Variants in PCDH11Y observed in about 807,000 individuals in gnomAD.
PCDH11Y encodes the protein protocadherin-11 Y-linked.
For synonymous variants in PCDH11Y, 9 were observed against 83.6 expected (o/e 0.11, Z 4.87); for missense variants, 12 against 224.8 (o/e 0.05, Z 6.05).
intron 2 of PCDH11Y, among the ~76,000 whole-genome samples, chrY:5,140,591 G>C: frequency 3.1e-5 from 1 of 32,300 alleles, no homozygotes. Context: ...GATGATATGA[G>C]GAGAAGCACA....
At chrY:5,716,231 A>G (rs2556788) in intron 4 of PCDH11Y, among the ~76,000 whole-genome samples, 49 of 32,989 alleles carry the variant, frequency 1.5e-3, no homozygotes, top group African/African-American at 5.5e-3. Flanking sequence ...GGAATTCCTA[A>G]CTAGAGCAAT....
chrY:5,704,676 G>A (rs2124712437), intron 4 of PCDH11Y, among the ~76,000 whole-genome samples: 1 of 31,584 alleles, frequency 3.2e-5, no homozygotes, highest in Admixed American at 2.9e-4. Context: ...TGATCCACCC[G>A]CCTCGGCCTC....
intron 2 of PCDH11Y, among the ~76,000 whole-genome samples, chrY:5,242,920 T>C: frequency 5.9e-5 from 2 of 33,875 alleles, no homozygotes; most frequent in Admixed American, 5.4e-4. Context: ...TAGATATAAT[T>C]AATGTATGTT....
In PCDH11Y at chrY:5,018,005, TC is replaced by T. The variant is rs2052563321; in HGVS notation, c.-133-13900del. Among the ~76,000 whole-genome samples, 34 of 33,572 alleles carry T rather than the reference TC, an allele frequency of 1.0e-3. No homozygotes were observed. In the East Asian group the frequency reaches 0.025, roughly 25 times the overall value. 90.1% of individuals were successfully genotyped at this position (33,572 alleles called of 37,273 possible). Reference sequence around the variant, plus strand: ...TACTATGCACATAAACTTTTCAATTTCTTTTTAGATAAATGTTTTATATTAT... The same window carrying T: ...TACTATGCACATAAACTTTTCAATTTTTTTTAGATAAATGTTTTATATTAT... On this transcript the variant is annotated intron_variant, in intron 1 of 5. Coordinates refer to the PCDH11Y transcript ENST00000333703.
At chrY:5,231,387 A>G in intron 2 of PCDH11Y, among the ~76,000 whole-genome samples, 1 of 33,638 alleles carries the variant, frequency 3.0e-5, no homozygotes. Flanking sequence ...TGGTTCTTGC[A>G]GACGCATAGT....
chrY:5,082,737 A>C, intron 1 of PCDH11Y, among the ~76,000 whole-genome samples: 1 of 32,615 alleles, frequency 3.1e-5, no homozygotes, highest in Non-Finnish European at 7.5e-5. Flanking sequence ...TATCCCGTTT[A>C]TCATTTCAGA....
chrY:5,206,629 A>T, intron 2 of PCDH11Y, among the ~76,000 whole-genome samples: 1 of 32,596 alleles, frequency 3.1e-5, no homozygotes, highest in Non-Finnish European at 7.5e-5. Flanking sequence ...AAAAAACACA[A>T]CACAGGAAGG....
At chrY:5,528,447 G>GTT (rs2053390057) in intron 3 of PCDH11Y, among the ~76,000 whole-genome samples, 1 of 33,048 alleles carries the variant, frequency 3.0e-5, no homozygotes, top group Non-Finnish European at 7.5e-5. Context: ...CCTAGAAGAG[G>GTT]TGGTTAACCA....
intron 2 of PCDH11Y, among the ~76,000 whole-genome samples, chrY:5,229,472 C>T (rs2052965530): frequency 3.3e-5 from 1 of 30,256 alleles, no homozygotes; most frequent in Non-Finnish European, 7.9e-5. Flanking sequence ...CCCGCCACCG[C>T]GCCCGGCTAA....
intron 3 of PCDH11Y, among the ~76,000 whole-genome samples, chrY:5,508,708 A>C: frequency 3.0e-5 from 1 of 33,215 alleles, no homozygotes. Flanking sequence ...AAACCTTTTC[A>C]GCACAGACCA....
At chrY:5,003,095 C>G (rs2052533925) in intron 1 of PCDH11Y, among the ~76,000 whole-genome samples, 29 of 34,495 alleles carry the variant, frequency 8.4e-4, no homozygotes, top group African/African-American at 3.2e-3. Flanking sequence ...GCAGCCCCCC[C>G]CCTTCCAGTC....
chrY:5,471,662 G>T, intron 2 of PCDH11Y, among the ~76,000 whole-genome samples: 1 of 32,212 alleles, frequency 3.1e-5, no homozygotes, highest in East Asian at 8.2e-4. Context: ...AATTCCTATT[G>T]TTTCCTTATT....
chrY:5,592,426 G>A, intron 4 of PCDH11Y, among the ~76,000 whole-genome samples: 2 of 29,822 alleles, frequency 6.7e-5, no homozygotes, highest in Non-Finnish European at 1.6e-4. Flanking sequence ...CATGTGAGAT[G>A]TGTCTCTCAA....
At chrY:5,089,869 G>A in intron 1 of PCDH11Y, among the ~76,000 whole-genome samples, 1 of 33,154 alleles carries the variant, frequency 3.0e-5, no homozygotes. Flanking sequence ...GATGATAGTA[G>A]ATCCAAAAGA....
At chrY:5,421,049 TACACAC>T (rs1310744427) in intron 2 of PCDH11Y, among the ~76,000 whole-genome samples, 3 of 16,950 alleles carry the variant, frequency 1.8e-4, no homozygotes, top group Admixed American at 1.1e-3. Flanking sequence ...CTACTAAAAA[TACACAC>T]ACACACACAC....
At chrY:5,543,628 G>A (rs2053410136) in intron 3 of PCDH11Y, among the ~76,000 whole-genome samples, 12 of 33,995 alleles carry the variant, frequency 3.5e-4, no homozygotes, top group African/African-American at 1.4e-3. Flanking sequence ...CTTGGTTTCA[G>A]GTAATTTGTT....
At chrY:5,148,255 A>AATTC (rs2052860205) in intron 2 of PCDH11Y, among the ~76,000 whole-genome samples, 1 of 32,881 alleles carries the variant, frequency 3.0e-5, no homozygotes, top group South Asian at 6.7e-4. Flanking sequence ...GAAATTGAGT[A>AATTC]CCTTTTGTTT....
At chrY:5,534,202 C>G (rs2124692013) in intron 3 of PCDH11Y, among the ~76,000 whole-genome samples, 1 of 33,390 alleles carries the variant, frequency 3.0e-5, no homozygotes, top group East Asian at 8.0e-4. Flanking sequence ...TTCATTGACT[C>G]TTGCCTCTGT....
At chrY:5,542,142 A>G in intron 3 of PCDH11Y, among the ~76,000 whole-genome samples, 1 of 32,616 alleles carries the variant, frequency 3.1e-5, no homozygotes, top group Non-Finnish European at 7.6e-5. Flanking sequence ...TAGATGCCTC[A>G]AAGCTGGTTT....
Sources: allele counts gnomAD v4.1 joint callset (sites outside exome capture counted in the v4.1 genomes callset), GRCh38; gene constraint gnomAD v4.1.1; transcripts MANE v1.5; gene names NCBI Gene and HGNC (gene_info 2026-07-23, HGNC 2026-07-21).